The following ACIN1 variants were observed in gnomAD, a reference collection of about 807,000 sequenced individuals.
The protein encoded by ACIN1 is apoptotic chromatin condensation inducer in the nucleus.
In ACIN1, 16 loss-of-function variants were observed where a neutral mutation model predicts 146.6. That is an observed-to-expected ratio of 0.11 (90% CI 0.07 to 0.17). The LOEUF is 0.17. ACIN1 is among the 10% of genes least tolerant of loss of function. The probability of loss-of-function intolerance (pLI) is 1.00; values close to 1 mark genes in which losing one functional copy is unlikely to be tolerated. For synonymous variants in ACIN1, 569 were observed against 582.7 expected (o/e 0.98, Z 0.34); for missense variants, 1,357 against 1,609.3 (o/e 0.84, Z 2.68).
chr14:23,061,478 G>T lies in ACIN1; in HGVS notation c.3244C>A (p.Arg1082=). 3 of 1,562,816 alleles carry T rather than the reference G, an allele frequency of 1.9e-6. No homozygotes were observed. The highest frequency in any genetic ancestry group is 2.6e-6 in the Non-Finnish European group (3 of 1,151,610). The change falls in exon 17 of 19, where the codon CGG becomes AGG. Residue 1082 remains arginine (R), a synonymous_variant. Transcript: ENST00000605057. ...TCTGCCCACTGTTCCCGCACTGCCC[G>T]TTCCTGCTCCCGCTGCTCTGCCCGG... is the stretch of plus-strand genomic sequence containing the variant. ...HPRAEQREQE[R]AVREQWAERE...
intron 5 of ACIN1, 29 bp downstream of exon 5, chr14:23,081,715 AAGAG>A: frequency 7.4e-6 from 11 of 1,479,010 alleles, no homozygotes; most frequent in African/African-American, 1.4e-5. Context: ...AGCATTACTG[AAGAG>A]GTAATGCTTT....
chr14:23,063,455 T>C lies in ACIN1; in HGVS notation c.2718A>G (p.Ala906=). The change falls in exon 13 of 19, where the codon GCA becomes GCG. Residue 906 remains alanine, a synonymous_variant. Transcript: ENST00000605057. ...VSVEVALPPP[A]EHEVKKVTLG... is the part of the protein sequence containing the mutation. ...ACTCACCTTTCTTTACTTCATGCTC[T>C]GCAGGTGGGGGCAAGGCCACCTCTA... 1 of 1,614,196 alleles carries C rather than the reference T, an allele frequency of 6.2e-7. No individual in the cohort carries two copies. The highest frequency in any genetic ancestry group is 1.1e-5 in the South Asian group (1 of 91,082).
Position 23,067,519 on chromosome 14 carries a change from TG to T in ACIN1, c.2266-1512del, listed in dbSNP as rs2047496711. On this transcript the variant is annotated intron_variant, in intron 9 of 18. Transcript: ENST00000605057. The surrounding 1 kb of genome is among the most constrained non-coding windows in gnomAD (Gnocchi z 4.6). ...GCAGGGGGGGCGGGAGGGAAACGTG[TG>T]GGGGGACGCTGCCCAGTTTCCATGA... The T allele has an allele frequency of 1.0e-6, 1 of 970,146 alleles. No individual in the cohort carries two copies. Among genetic ancestry groups the T allele is most frequent in the Non-Finnish European group, 1.2e-6 (1 of 822,420 alleles). 60.1% of individuals were successfully genotyped at this position (970,146 alleles called of 1,614,324 possible). A position where few individuals can be genotyped will look rare whatever the true frequency, so the allele number is the denominator to read the frequency against.
At chr14:23,061,790 G>A (rs28488965) in intron 16 of ACIN1, among the ~76,000 whole-genome samples, 168 bp from the exon 17 acceptor site, 148,917 of 151,772 alleles carry the variant, frequency 0.98, 73,069 homozygotes, top group East Asian at 1. Context: ...TGGCTGACAC[G>A]GTGAAACCCC....
chr14:23,094,781 C>T, intron 1 of ACIN1, 194 bp downstream of exon 1: 2 of 886,442 alleles, frequency 2.3e-6, no homozygotes, highest in Non-Finnish European at 3.3e-6. Flanking sequence ...GCGCTGCTGC[C>T]GTTAAGGCGG....
intron 13 of ACIN1, 65 bp from the exon 14 acceptor site, chr14:23,063,139 G>GT: frequency 1.3e-6 from 2 of 1,493,316 alleles, no homozygotes; most frequent in South Asian, 1.3e-5. Flanking sequence ...CACCCTCAAT[G>GT]TAACTCTCAC....
At chr14:23,095,344 C>CAG, upstream of ACIN1, 1 of 1,540,016 alleles carries the variant, frequency 6.5e-7, no homozygotes, top group Non-Finnish European at 8.8e-7. Flanking sequence ...GCCCTGCTTT[C>CAG]AGGCTCGGTT....
intron 8 of ACIN1, among the ~76,000 whole-genome samples, chr14:23,073,374 T>A (rs923096541): frequency 1.3e-5 from 2 of 152,208 alleles, no homozygotes; most frequent in Non-Finnish European, 2.9e-5. Flanking sequence ...CCTAAAAGTT[T>A]TCTTATTGAA....
In ACIN1 at chr14:23,083,507, C is replaced by T. The variant is rs1215023098; in HGVS notation, c.437-1671G>A. On this transcript the variant is annotated intron_variant, in intron 4 of 18. Coordinates refer to ENST00000605057, the MANE Select transcript of ACIN1 (RefSeq NM_001386863.1). ...TAGCACTTTGAGAGGTCGAGGCAGG[C>T]GGATCACGACGTCAGGAGATCGAGA... 3.3e-5 allele frequency among the ~76,000 whole-genome samples: 5 copies of T among 152,064 alleles called. 1 individual carries two copies. The South Asian group carries it at 8.3e-4, about 25-fold the overall frequency.
intron 4 of ACIN1, among the ~76,000 whole-genome samples, chr14:23,085,873 C>T (rs779416624): frequency 6.6e-6 from 1 of 152,040 alleles, no homozygotes; most frequent in Non-Finnish European, 1.5e-5. Context: ...TTTCAGGATT[C>T]GAAAAACAAG....
intron 8 of ACIN1, chr14:23,071,004 G>A (rs2140080640): frequency 8.7e-7 from 1 of 1,144,398 alleles, no homozygotes; most frequent in Non-Finnish European, 1.3e-6. Flanking sequence ...AAAGGGGGAA[G>A]GCAGAATGAC....
In ACIN1 at chr14:23,064,226, C is replaced by G; in HGVS notation, c.2474G>C (p.Gly825Ala). Residue 825 changes from glycine (G) to alanine (A), a missense_variant, in exon 12 of 19, where the codon GGG becomes GCG. This residue lies in a region of ACIN1 where 509 missense variants were observed against 719.6 expected (regional missense o/e 0.71). Transcript: ENST00000605057. ...SLIPDIKPLAGQEAVVDLHAD... is the reference protein window; with the variant it reads ...SLIPDIKPLAAQEAVVDLHAD... ...ATGAAGATCCACAACAGCCTCCTGC[C>G]CCGCCAGGGGTTTGATGTCGGGGAT... 6.2e-7 allele frequency: 1 copy of G among 1,614,134 alleles called. No individual in the cohort carries two copies. The highest frequency in any genetic ancestry group is 8.5e-7 in the Non-Finnish European group (1 of 1,180,042).
chr14:23,065,843 C>A, intron 10 of ACIN1, 123 bp downstream of exon 10: 3 of 841,082 alleles, frequency 3.6e-6, no homozygotes, highest in Non-Finnish European at 2.0e-6. Flanking sequence ...ATTTGCTAGG[C>A]ACAAGGGGTG....
chr14:23,078,151 A>C lies in ACIN1; in HGVS notation c.2123T>G (p.Val708Gly). ...ACCCCGGTCGAGATATATCACTTACACAGTGTGATGAATTCTTTCTGATTC... is the reference window on the plus strand; with the variant it reads ...ACCCCGGTCGAGATATATCACTTACCCAGTGTGATGAATTCTTTCTGATTC... ...LPESERIHHT[V>G]EEKEEVTMDT... is the part of the protein sequence containing the mutation. The change falls in exon 8 of 19, where the codon GTT (valine) becomes GGT (glycine). Residue 708 changes from valine (V) to glycine (G), a missense_variant and splice_region_variant. This residue lies in a region of ACIN1 where 771 missense variants were observed against 746.6 expected (regional missense o/e 1.03). Coordinates refer to ENST00000605057, the MANE Select transcript of ACIN1 (RefSeq NM_001386863.1). 6.2e-7 allele frequency: 1 copy of C among 1,613,950 alleles called. No homozygotes were observed. Among genetic ancestry groups the C allele is most frequent in the Middle Eastern group, 1.6e-4 (1 of 6,062 alleles).
rs10129763 is a variant in ACIN1 at position 23,087,631 on chromosome 14, C to G, written c.436+2351G>C. ...ATTATATTAAGAACTGACAGCCTCT[C>G]TTTTTAAAGAGAGGTCCTTATCAAA... On this transcript the variant is annotated intron_variant, in intron 4 of 18. Coordinates refer to ENST00000605057, the MANE Select transcript of ACIN1 (RefSeq NM_001386863.1). 2.6e-3 allele frequency among the ~76,000 whole-genome samples: 396 copies of G among 151,998 alleles called. 1 individual carries two copies. Among genetic ancestry groups the G allele is most frequent in the African/African-American group, 8.9e-3 (370 of 41,472 alleles).
chr14:23,094,617 C>A lies in ACIN1; in HGVS notation c.138+358G>T, dbSNP rs148562822. 278 of 1,030,682 alleles carry A rather than the reference C, an allele frequency of 2.7e-4. 3 individuals are homozygous for A. In the African/African-American group the frequency reaches 4.1e-3, roughly 15 times the overall value. The allele number at this position is 1,030,682 out of a possible 1,614,324, so 63.8% of individuals were successfully genotyped here. On this transcript the variant is annotated intron_variant, in intron 1 of 18. Transcript: ENST00000605057. ...ACTCCGACCCAGCCCAACTCGCCCC[C>A]CTCAGGCCAGCAACGCCGTAGGTTG...
Position 23,079,985 on chromosome 14 carries a change from T to A in ACIN1, c.1350A>T (p.Thr450=), listed in dbSNP as rs773612460. 2 of 1,614,082 alleles carry A rather than the reference T, an allele frequency of 1.2e-6. No homozygotes were observed. Among genetic ancestry groups the A allele is most frequent in the Admixed American group, 3.3e-5 (2 of 60,022 alleles). ...ESVLPLVQKS[T]LADYSAQKDL... is the part of the protein sequence containing the mutation. ...CCTTCTGGGCTGAGTAGTCAGCCAG[T>A]GTGCTTTTCTGAACCAGAGGCAGGA... Residue 450 remains threonine, a synonymous_variant, in exon 6 of 19, where the codon ACA becomes ACT. Coordinates refer to ENST00000605057, the MANE Select transcript of ACIN1 (RefSeq NM_001386863.1).
intron 4 of ACIN1, among the ~76,000 whole-genome samples, chr14:23,083,366 G>A (rs928409494): frequency 1.3e-5 from 2 of 152,032 alleles, no homozygotes; most frequent in African/African-American, 4.8e-5. Flanking sequence ...CACTGTGCCC[G>A]AGTCTCAAAT....
intron 4 of ACIN1, among the ~76,000 whole-genome samples, chr14:23,084,616 G>GA (rs1197980124): frequency 0.015 from 1,544 of 105,152 alleles, 34 homozygotes; most frequent in East Asian, 0.083. Context: ...TCTCAAAAAA[G>GA]AAAAAAAAAA....
Sources: allele counts gnomAD v4.1 joint callset (sites outside exome capture counted in the v4.1 genomes callset), GRCh38; gene constraint gnomAD v4.1.1; regional missense constraint gnomAD v4.1.1; non-coding constraint Gnocchi (gnomAD v3.1); transcripts MANE v1.5; gene names NCBI Gene and HGNC (gene_info 2026-07-23, HGNC 2026-07-21).